The following SLAIN2 variants were observed in gnomAD, a reference collection of about 807,000 sequenced individuals.
The protein encoded by SLAIN2 is SLAIN motif-containing protein 2.
In SLAIN2, 31 loss-of-function variants were observed where a neutral mutation model predicts 56.6. The ratio of observed to expected loss-of-function variants is 0.55; its 90% CI spans 0.41 to 0.74. The LOEUF is 0.74. SLAIN2 is among the 30% of genes least tolerant of loss of function. The pLI, the probability that SLAIN2 is intolerant of heterozygous loss-of-function variation, is 0.00. For synonymous variants in SLAIN2, 317 were observed against 284.9 expected, an observed-to-expected ratio of 1.11 and a Z score of -1.13; for missense variants, 777 against 754.2, an observed-to-expected ratio of 1.03 and a Z score of -0.35.
In SLAIN2 at chr4:48,419,158, A is replaced by G. The variant is rs536671797; in HGVS notation, c.1361-967A>G. Reference sequence around the variant, plus strand: ...CGCTCTGTTGCCCAGGCTGGAATGCAGTACCGCGATCCCCGCTTATTGCAA... The same window carrying G: ...CGCTCTGTTGCCCAGGCTGGAATGCGGTACCGCGATCCCCGCTTATTGCAA... On this transcript the variant is annotated intron_variant, in intron 6 of 7. Coordinates refer to ENST00000264313, the MANE Select transcript of SLAIN2 (RefSeq NM_020846.2). Among the ~76,000 whole-genome samples the G allele has an allele frequency of 4.0e-5, 6 of 151,520 alleles. 1 individual carries two copies. Among genetic ancestry groups the G allele is most frequent in the African/African-American group, 1.5e-4 (6 of 41,292 alleles).
intron 1 of SLAIN2, among the ~76,000 whole-genome samples, chr4:48,352,904 C>T (rs768944297): frequency 2.6e-5 from 4 of 152,104 alleles, no homozygotes; most frequent in Admixed American, 2.0e-4. Context: ...ACTCATGGGG[C>T]GTTTTCCCCT....
intron 6 of SLAIN2, among the ~76,000 whole-genome samples, chr4:48,413,006 A>G (rs1193777777): frequency 2.6e-5 from 4 of 152,042 alleles, no homozygotes; most frequent in Non-Finnish European, 5.9e-5. Context: ...TGGGCAGATC[A>G]CTTAAGAGGC....
At chr4:48,398,689 G>T (rs1716471914) in intron 6 of SLAIN2, among the ~76,000 whole-genome samples, 1 of 152,112 alleles carries the variant, frequency 6.6e-6, no homozygotes, top group South Asian at 2.1e-4. Flanking sequence ...TAAGGAAGGG[G>T]TCTAGTTTCA....
chr4:48,419,177 A>G (rs985093451), intron 6 of SLAIN2, among the ~76,000 whole-genome samples: 1 of 151,054 alleles, frequency 6.6e-6, no homozygotes, highest in Non-Finnish European at 1.5e-5. Flanking sequence ...ATCCCCGCTT[A>G]TTGCAACCTC....
At chr4:48,374,252 T>C (rs1715745170) in intron 2 of SLAIN2, among the ~76,000 whole-genome samples, 1 of 152,080 alleles carries the variant, frequency 6.6e-6, no homozygotes, top group African/African-American at 2.4e-5. Context: ...TTTTCTTTTT[T>C]TGGAGACGGA....
chr4:48,376,523 C>T (rs970748721), intron 2 of SLAIN2, among the ~76,000 whole-genome samples: 1 of 149,562 alleles, frequency 6.7e-6, no homozygotes, highest in Admixed American at 6.7e-5. Flanking sequence ...TAAATATATG[C>T]ATTTGATATC....
Position 48,425,501 on chromosome 4 carries a change from T to A in SLAIN2, c.*3424T>A, listed in dbSNP as rs919309757. On this transcript the variant is annotated 3_prime_UTR_variant, in exon 8 of 8. Coordinates refer to ENST00000264313, the MANE Select transcript of SLAIN2 (RefSeq NM_020846.2). ...GAATTGTACACTGTTTAATGAGTTCTCCATATTCCTTTAGGAGATATTTGC... is the reference window on the plus strand; with the variant it reads ...GAATTGTACACTGTTTAATGAGTTCACCATATTCCTTTAGGAGATATTTGC... 2.0e-5 allele frequency: 3 copies of A among 152,304 alleles called. No individual in the cohort carries two copies. The South Asian group carries it at 6.2e-4, about 32-fold the overall frequency. 9.4% of individuals were successfully genotyped at this position (152,304 alleles called of 1,614,324 possible).
At chr4:48,402,379 C>G (rs1021114572) in intron 6 of SLAIN2, among the ~76,000 whole-genome samples, 3 of 152,162 alleles carry the variant, frequency 2.0e-5, no homozygotes, top group African/African-American at 7.2e-5. Flanking sequence ...TGCATTCCAA[C>G]TTGATTCTGT....
rs558829093 is a variant in SLAIN2, at chr4:48,424,565, A to G, written c.*2488A>G. 15 of 152,242 alleles carry G rather than the reference A, an allele frequency of 9.9e-5. No homozygotes were observed. Among genetic ancestry groups the G allele is most frequent in the African/African-American group, 3.4e-4 (14 of 41,566 alleles). The allele number at this position is 152,242 out of a possible 1,614,324, so 9.4% of individuals were successfully genotyped here. A position where few individuals can be genotyped will look rare whatever the true frequency, so the allele number is the denominator to read the frequency against. On this transcript the variant is annotated 3_prime_UTR_variant, in exon 8 of 8. Coordinates refer to ENST00000264313, the MANE Select transcript of SLAIN2 (RefSeq NM_020846.2). ...TGTAAGTGTGTTAATAAAAGTGTAA[A>G]GAATTGGAAAAAATATAAATATTCT...
Position 48,420,439 on chromosome 4 carries a change from C to A in SLAIN2, c.1675C>A (p.Arg559Ser). The part of the protein sequence containing the change: ...VPRSKLAQPV[R>S]RSLPAPKTYG... Reference sequence around the variant, plus strand: ...TCGCAGCAAACTTGCACAGCCTGTTCGCAGGTAAGTGGCAGATGTTCTGTT... The same window carrying A: ...TCGCAGCAAACTTGCACAGCCTGTTAGCAGGTAAGTGGCAGATGTTCTGTT... The change falls in exon 7 of 8, where the codon CGC becomes AGC. Residue 559 changes from arginine to serine, a missense_variant. Physicochemically the swap from Arg to Ser is moderately radical, Grantham distance 110. Transcript: ENST00000264313. 6.2e-7 allele frequency: 1 copy of A among 1,613,330 alleles called. No homozygotes were observed. The highest frequency in any genetic ancestry group is 8.5e-7 in the Non-Finnish European group (1 of 1,179,420).
At chr4:48,364,002 G>C (rs1715433281) in intron 1 of SLAIN2, among the ~76,000 whole-genome samples, 1 of 119,606 alleles carries the variant, frequency 8.4e-6, no homozygotes, top group African/African-American at 2.9e-5. Context: ...TCCCGGACGG[G>C]GTGGCTGCTG....
intron 2 of SLAIN2, among the ~76,000 whole-genome samples, chr4:48,371,988 A>ATG (rs1560455400): frequency 7.3e-6 from 1 of 137,922 alleles, no homozygotes; most frequent in East Asian, 2.1e-4. Context: ...ACACACACAC[A>ATG]CGCGCGCACA....
chr4:48,351,754 G>A lies in SLAIN2; in HGVS notation c.389+9626G>A, dbSNP rs148893364. ...TATAAATATTTGTTTAAATTACTGA[G>A]TGGAGCATAAGCTTTCAAGGTGTTT... On this transcript the variant is annotated intron_variant, in intron 1 of 7. Transcript: ENST00000264313. Among the ~76,000 whole-genome samples the A allele has an allele frequency of 2.0e-5, 3 of 152,338 alleles. No individual in the cohort carries two copies. In the East Asian group the frequency reaches 5.8e-4, roughly 29 times the overall value.
chr4:48,350,915 G>A (rs745827565), intron 1 of SLAIN2, among the ~76,000 whole-genome samples: 2 of 152,200 alleles, frequency 1.3e-5, no homozygotes, highest in Admixed American at 6.5e-5. Context: ...TAGTACCACG[G>A]TATCAGATAT....
chr4:48,355,398 C>T (rs1452091776), intron 1 of SLAIN2, among the ~76,000 whole-genome samples: 2 of 152,096 alleles, frequency 1.3e-5, no homozygotes, highest in Non-Finnish European at 2.9e-5. Flanking sequence ...TGGGTATATA[C>T]GCAGAATCAC....
chr4:48,378,616 G>T (rs1349423132), intron 3 of SLAIN2, among the ~76,000 whole-genome samples: 1 of 152,138 alleles, frequency 6.6e-6, no homozygotes. Flanking sequence ...TGTCGCTGAA[G>T]CTGTTGTTAT....
intron 6 of SLAIN2, among the ~76,000 whole-genome samples, chr4:48,413,600 T>G (rs752831527): frequency 3.3e-5 from 5 of 152,224 alleles, no homozygotes; most frequent in Non-Finnish European, 5.9e-5. Flanking sequence ...TATGACAGTA[T>G]AGTAAGGGAT....
chr4:48,342,475 G>A (rs1714740038), intron 1 of SLAIN2, among the ~76,000 whole-genome samples: 1 of 152,174 alleles, frequency 6.6e-6, no homozygotes, highest in Non-Finnish European at 1.5e-5. Flanking sequence ...CTTTGTGTAA[G>A]ATACTGGCTT....
Position 48,426,158 on chromosome 4 carries a change from A to G in SLAIN2, c.*4081A>G, listed in dbSNP as rs1234764109. ...AAGGGTAGAAGGTCTTTTTTTTTTTAAGGAGAAAATGTTTCTTTTAAATAA... is the reference window on the plus strand; with the variant it reads ...AAGGGTAGAAGGTCTTTTTTTTTTTGAGGAGAAAATGTTTCTTTTAAATAA... On this transcript the variant is annotated 3_prime_UTR_variant, in exon 8 of 8. Coordinates refer to ENST00000264313, the MANE Select transcript of SLAIN2 (RefSeq NM_020846.2). 6.6e-6 allele frequency: 1 copy of G among 151,046 alleles called. No individual in the cohort carries two copies. The highest frequency in any genetic ancestry group is 2.4e-5 in the African/African-American group (1 of 41,186). 9.4% of individuals were successfully genotyped at this position (151,046 alleles called of 1,614,324 possible). A position where few individuals can be genotyped will look rare whatever the true frequency, so the allele number is the denominator to read the frequency against.
Sources: allele counts gnomAD v4.1 joint callset (sites outside exome capture counted in the v4.1 genomes callset), GRCh38; gene constraint gnomAD v4.1.1; transcripts MANE v1.5; gene names NCBI Gene and HGNC (gene_info 2026-07-23, HGNC 2026-07-21).